The following GALNT18 variants were observed in gnomAD, a reference collection of about 807,000 sequenced individuals.
The protein encoded by GALNT18 is GalNAc-transferase 18.
Under a neutral mutation model 69.5 loss-of-function variants are expected in GALNT18, and 44 were observed. The observed-to-expected ratio is 0.63, with a 90% CI of 0.50 to 0.81. The LOEUF (loss-of-function observed/expected upper bound fraction) is 0.81. Among genes scored for constraint, GALNT18 ranks in the 40% least tolerant of loss-of-function variants. The pLI, the probability that GALNT18 is intolerant of heterozygous loss-of-function variation, is 0.00. For synonymous variants in GALNT18, 364 were observed against 318.2 expected, an observed-to-expected ratio of 1.14 and a Z score of -1.53; for missense variants, 715 against 810.0, an observed-to-expected ratio of 0.88 and a Z score of 1.42.
rs563078251 is a variant in GALNT18 at position 11,413,533 on chromosome 11, G to A, written c.595+19088C>T. ...TGCAATTTCAGGTTTATATAATTTG[G>A]TGCTTAATGCACCGTACCACTAGCC... On this transcript the variant is annotated intron_variant, in intron 3 of 10. Transcript: ENST00000227756. The surrounding 1 kb of genome is among the most constrained non-coding windows in gnomAD (Gnocchi z 4.7). Among the ~76,000 whole-genome samples the A allele has an allele frequency of 6.6e-6, 1 of 152,114 alleles. No individual in the cohort carries two copies. The highest frequency in any genetic ancestry group is 1.5e-5 in the Non-Finnish European group (1 of 68,014).
intron 6 of GALNT18, among the ~76,000 whole-genome samples, chr11:11,349,027 T>G (rs1850352874): frequency 6.6e-6 from 1 of 152,172 alleles, no homozygotes; most frequent in African/African-American, 2.4e-5. Context: ...TCCTGAATTT[T>G]TTTAATAATT....
intron 9 of GALNT18, among the ~76,000 whole-genome samples, chr11:11,302,869 C>T: frequency 6.6e-6 from 1 of 152,214 alleles, no homozygotes; most frequent in East Asian, 1.9e-4. Flanking sequence ...CAAAACACAC[C>T]TGGCCCATCA....
chr11:11,528,450 A>C (rs1001373144), intron 1 of GALNT18, among the ~76,000 whole-genome samples: 3 of 152,222 alleles, frequency 2.0e-5, no homozygotes, highest in African/African-American at 7.2e-5. Flanking sequence ...GGCAAACCAG[A>C]AGGTACACAC....
At chr11:11,379,800 G>C (rs868587845) in intron 3 of GALNT18, among the ~76,000 whole-genome samples, 8 of 152,242 alleles carry the variant, frequency 5.3e-5, no homozygotes, top group African/African-American at 1.7e-4. Flanking sequence ...ATGGCCAGGA[G>C]CTGTGCCCAT....
rs1277532528 is a variant in GALNT18, at chr11:11,601,650, G to A, written c.235+19709C>T. On this transcript the variant is annotated intron_variant, in intron 1 of 10. Transcript: ENST00000227756. The surrounding 1 kb of genome is among the most constrained non-coding windows in gnomAD (Gnocchi z 4.0). ...GGTTCTTTTGGCAGGGATTTTCTTT[G>A]AGGCCAGTTTTTGAGGCTTTCTTTG... Among the ~76,000 whole-genome samples, 5 of 152,112 alleles carry A rather than the reference G, an allele frequency of 3.3e-5. No individual in the cohort carries two copies. The highest frequency in any genetic ancestry group is 6.5e-5 in the Admixed American group (1 of 15,278).
At chr11:11,330,429 G>A (rs990353239) in intron 8 of GALNT18, among the ~76,000 whole-genome samples, 2 of 152,204 alleles carry the variant, frequency 1.3e-5, no homozygotes, top group African/African-American at 4.8e-5. Flanking sequence ...CCCATTAAGA[G>A]TTCATTATGC....
intron 1 of GALNT18, among the ~76,000 whole-genome samples, chr11:11,449,476 G>A (rs886718064): frequency 7.9e-5 from 12 of 152,312 alleles, no homozygotes; most frequent in South Asian, 4.2e-4. Flanking sequence ...TCAGCACCCC[G>A]GCCAGACTGC....
chr11:11,555,928 G>A lies in GALNT18; in HGVS notation c.235+65431C>T, dbSNP rs529164993. Among the ~76,000 whole-genome samples the A allele has an allele frequency of 1.3e-5, 2 of 152,308 alleles. No individual in the cohort carries two copies. Among genetic ancestry groups the A allele is most frequent in the South Asian group, 2.1e-4 (1 of 4,824 alleles). ...GAATGCAGAGCAGGATCATCTGAAC[G>A]TTGATCTGGTTTGCTTTCCCTTATT... On this transcript the variant is annotated intron_variant, in intron 1 of 10. Coordinates refer to ENST00000227756, the MANE Select transcript of GALNT18 (RefSeq NM_198516.3). This position sits in a 1 kb window ranked among gnomAD's most constrained non-coding sequence, Gnocchi z 4.7.
intron 1 of GALNT18, among the ~76,000 whole-genome samples, chr11:11,504,609 T>C (rs1490253670): frequency 1.3e-5 from 2 of 151,816 alleles, no homozygotes; most frequent in South Asian, 4.2e-4. Flanking sequence ...ATACAAAAAA[T>C]TAGCCAGGCA....
intron 3 of GALNT18, among the ~76,000 whole-genome samples, chr11:11,388,251 A>T (rs1488855105): frequency 6.6e-6 from 1 of 152,162 alleles, no homozygotes; most frequent in African/African-American, 2.4e-5. Context: ...CACAAGGAAT[A>T]TGCACCCCAT....
At chr11:11,285,715 G>C (rs1590008102) in intron 10 of GALNT18, among the ~76,000 whole-genome samples, 1 of 152,238 alleles carries the variant, frequency 6.6e-6, no homozygotes. Context: ...GGTTCTCAAA[G>C]TTGGACTTGC....
intron 1 of GALNT18, among the ~76,000 whole-genome samples, chr11:11,588,008 G>A (rs148613433): frequency 3.0e-4 from 46 of 152,118 alleles, no homozygotes; most frequent in African/African-American, 1.0e-3. Flanking sequence ...AAGTCCTTCT[G>A]CTTGAGGCTC....
chr11:11,343,691 G>T (rs1295788904), intron 6 of GALNT18, among the ~76,000 whole-genome samples: 1 of 152,160 alleles, frequency 6.6e-6, no homozygotes, highest in Non-Finnish European at 1.5e-5. Context: ...AAAGAGTCAG[G>T]GTAATGATTC....
intron 10 of GALNT18, among the ~76,000 whole-genome samples, chr11:11,281,476 C>G (rs531125680): frequency 2.6e-4 from 40 of 152,330 alleles, no homozygotes; most frequent in Admixed American, 9.8e-4. Context: ...GCTGAAGATT[C>G]TGGCTGCTCA....
Position 11,600,272 on chromosome 11 carries a change from C to T in GALNT18, c.235+21087G>A, listed in dbSNP as rs149209391. Among the ~76,000 whole-genome samples the T allele has an allele frequency of 1.4e-4, 21 of 152,188 alleles. No individual in the cohort carries two copies. Among genetic ancestry groups the T allele is most frequent in the African/African-American group, 5.1e-4 (21 of 41,550 alleles). ...ATTTGAATTACTGTCCTGTGTGACTCACATTCAGCCTGAAGAACAATCTGT... is the reference window on the plus strand; with the variant it reads ...ATTTGAATTACTGTCCTGTGTGACTTACATTCAGCCTGAAGAACAATCTGT... On this transcript the variant is annotated intron_variant, in intron 1 of 10. Coordinates refer to ENST00000227756, the MANE Select transcript of GALNT18 (RefSeq NM_198516.3). This position sits in a 1 kb window ranked among gnomAD's most constrained non-coding sequence, Gnocchi z 4.8.
chr11:11,391,989 T>G (rs4910332), intron 3 of GALNT18, among the ~76,000 whole-genome samples: 12,448 of 152,262 alleles, frequency 0.082, 711 homozygotes, highest in Admixed American at 0.15. Flanking sequence ...CAAGAATGAA[T>G]GAGTGCATGA....
rs1855884970 is a variant in GALNT18, at chr11:11,454,619, G to C, written c.236-5683C>G. On this transcript the variant is annotated intron_variant, in intron 1 of 10. Coordinates refer to ENST00000227756, the MANE Select transcript of GALNT18 (RefSeq NM_198516.3). This position sits in a 1 kb window ranked among gnomAD's most constrained non-coding sequence, Gnocchi z 4.2. ...CAGAAACCCAGGCACAAAGGGCAAT[G>C]AGGTGGGAAGACCCAGAGACTCTAG... Among the ~76,000 whole-genome samples the C allele has an allele frequency of 2.0e-5, 3 of 152,106 alleles. No homozygotes were observed. The highest frequency in any genetic ancestry group is 7.2e-5 in the African/African-American group (3 of 41,406).
intron 1 of GALNT18, among the ~76,000 whole-genome samples, chr11:11,576,641 C>A (rs761945379): frequency 7.2e-5 from 11 of 152,340 alleles, no homozygotes; most frequent in Middle Eastern, 6.8e-3. Flanking sequence ...GGAAATGAAG[C>A]TAGGACTCGA....
rs1314119900 is a variant in GALNT18 at position 11,480,488 on chromosome 11, T to C, written c.236-31552A>G. Among the ~76,000 whole-genome samples the C allele has an allele frequency of 6.6e-6, 1 of 152,232 alleles. No individual in the cohort carries two copies. Among genetic ancestry groups the C allele is most frequent in the Non-Finnish European group, 1.5e-5 (1 of 68,046 alleles). ...TTCTCTTATCTCTCACACTGCCTTC[T>C]GAGCTGCAGTGGTCCATGAAGCACG... On this transcript the variant is annotated intron_variant, in intron 1 of 10. Transcript: ENST00000227756. This position sits in a 1 kb window ranked among gnomAD's most constrained non-coding sequence, Gnocchi z 4.6.
Sources: allele counts gnomAD v4.1 joint callset (sites outside exome capture counted in the v4.1 genomes callset), GRCh38; gene constraint gnomAD v4.1.1; non-coding constraint Gnocchi (gnomAD v3.1); transcripts MANE v1.5; gene names NCBI Gene and HGNC (gene_info 2026-07-23, HGNC 2026-07-21).